The following CHCHD6 variants were observed in gnomAD, a reference collection of about 807,000 sequenced individuals.
The protein encoded by CHCHD6 is MICOS complex subunit MIC25.
A neutral mutation model predicts 32.3 loss-of-function variants in CHCHD6; 28 were observed. That is an observed-to-expected ratio of 0.87 (90% confidence interval 0.64 to 1.19). CHCHD6 has a LOEUF of 1.19. CHCHD6 is among the 50% of genes most tolerant of loss of function. The pLI, the probability that CHCHD6 is intolerant of heterozygous loss-of-function variation, is 0.00. For synonymous variants in CHCHD6, 122 were observed against 117.5 expected (o/e 1.04, Z -0.25); for missense variants, 333 against 307.0 (o/e 1.08, Z -0.63).
At chr3:126,855,809 A>C (rs576891612) in intron 5 of CHCHD6, among the ~76,000 whole-genome samples, 4 of 152,336 alleles carry the variant, frequency 2.6e-5, no homozygotes, top group African/African-American at 9.6e-5. Flanking sequence ...GAGCTCAAAC[A>C]AGAGCCTCAG....
intron 5 of CHCHD6, among the ~76,000 whole-genome samples, chr3:126,870,549 T>TG (rs2077452122): frequency 1.3e-5 from 2 of 152,092 alleles, no homozygotes; most frequent in Non-Finnish European, 2.9e-5. Flanking sequence ...TGGATGGCGC[T>TG]GTGCTGTGCC....
rs542413817 is a variant in CHCHD6 at position 126,801,244 on chromosome 3, C to T, written c.412-51403C>T. Among the ~76,000 whole-genome samples the T allele has an allele frequency of 7.7e-4, 118 of 152,320 alleles. 1 individual carries two copies. The highest frequency in any genetic ancestry group is 2.4e-3 in the African/African-American group (98 of 41,588). On this transcript the variant is annotated intron_variant, in intron 4 of 7. Coordinates refer to ENST00000290913, the MANE Select transcript of CHCHD6 (RefSeq NM_032343.3). ...GCGGTGCAGCGCACCGTGCGCAAGC[C>T]GAAGCAGGGCGAGGCATTGCCTCAC...
rs60896630 is a variant in CHCHD6, at chr3:126,737,390, GTATATA to G, written c.411+4192_411+4197del. Among the ~76,000 whole-genome samples the G allele has an allele frequency of 2.5e-3, 335 of 132,618 alleles. 2 individuals are homozygous for G. Among genetic ancestry groups the G allele is most frequent in the African/African-American group, 7.3e-3 (268 of 36,482 alleles). 87.0% of individuals were successfully genotyped at this position (132,618 alleles called of 152,430 possible). ...TCTTTTATTATTTTATGATGTGTGA[GTATATA>G]TATATATATATATATATATATATGC... On this transcript the variant is annotated intron_variant, in intron 4 of 7. Transcript: ENST00000290913.
At chr3:126,781,321 T>A (rs1372698212) in intron 4 of CHCHD6, among the ~76,000 whole-genome samples, 1 of 152,208 alleles carries the variant, frequency 6.6e-6, no homozygotes, top group Non-Finnish European at 1.5e-5. Flanking sequence ...AGCAGGGCCA[T>A]TTCTAGCACA....
intron 2 of CHCHD6, among the ~76,000 whole-genome samples, chr3:126,728,863 T>C (rs553397201): frequency 1.8e-4 from 27 of 152,366 alleles, no homozygotes; most frequent in African/African-American, 6.5e-4. Context: ...ATGATAGGTG[T>C]AAGTTTTGTT....
chr3:126,721,011 A>G (rs1935261938), intron 1 of CHCHD6, among the ~76,000 whole-genome samples: 1 of 152,122 alleles, frequency 6.6e-6, no homozygotes, highest in Non-Finnish European at 1.5e-5. Flanking sequence ...TTCTTAGAAT[A>G]ATTTTCTTAA....
At chr3:126,950,299 G>A (rs1338102239) in intron 6 of CHCHD6, among the ~76,000 whole-genome samples, 2 of 151,650 alleles carry the variant, frequency 1.3e-5, no homozygotes, top group African/African-American at 4.8e-5. Context: ...CTCTCATAGA[G>A]GGAAGTGTAG....
chr3:126,724,776 C>A (rs956669292), intron 1 of CHCHD6, among the ~76,000 whole-genome samples: 1 of 152,236 alleles, frequency 6.6e-6, no homozygotes, highest in African/African-American at 2.4e-5. Context: ...CCTTTGTTGT[C>A]ATTTCAGCAG....
At chr3:126,749,465 T>G (rs1468243146) in intron 4 of CHCHD6, among the ~76,000 whole-genome samples, 1 of 152,196 alleles carries the variant, frequency 6.6e-6, no homozygotes, top group Non-Finnish European at 1.5e-5. Context: ...TGCCCTTTTT[T>G]GACAAGGAGA....
chr3:126,831,373 T>A (rs965170309), intron 4 of CHCHD6, among the ~76,000 whole-genome samples: 1 of 152,148 alleles, frequency 6.6e-6, no homozygotes, highest in Admixed American at 6.5e-5. Flanking sequence ...CAGGCCTCAC[T>A]CAATCCTTCT....
chr3:126,818,978 C>T (rs1940035043), intron 4 of CHCHD6, among the ~76,000 whole-genome samples: 1 of 152,186 alleles, frequency 6.6e-6, no homozygotes, highest in South Asian at 2.1e-4. Context: ...TGCAGCAGGT[C>T]AGCTTGAAGC....
intron 4 of CHCHD6, among the ~76,000 whole-genome samples, chr3:126,812,017 C>T (rs1014137986): frequency 2.6e-5 from 4 of 151,918 alleles, no homozygotes; most frequent in Non-Finnish European, 5.9e-5. Context: ...GCAAGAGCAT[C>T]GCTTTTACTA....
At chr3:126,708,667 A>G (rs1934614906) in intron 1 of CHCHD6, among the ~76,000 whole-genome samples, 1 of 150,368 alleles carries the variant, frequency 6.7e-6, no homozygotes, top group Non-Finnish European at 1.5e-5. Flanking sequence ...AAAAAAAAAA[A>G]GCTTTATTGG....
chr3:126,740,577 G>A (rs1450392616), intron 4 of CHCHD6, among the ~76,000 whole-genome samples: 5 of 152,156 alleles, frequency 3.3e-5, no homozygotes, highest in South Asian at 4.1e-4. Context: ...GGCTGCTAAC[G>A]TACAGGGCTA....
At chr3:126,728,638 C>T (rs1196251646) in intron 2 of CHCHD6, among the ~76,000 whole-genome samples, 1 of 152,174 alleles carries the variant, frequency 6.6e-6, no homozygotes, top group Non-Finnish European at 1.5e-5. Flanking sequence ...TAACTTGACC[C>T]AATGCACTTT....
At chr3:126,750,590 G>A (rs536447737) in intron 4 of CHCHD6, among the ~76,000 whole-genome samples, 80 of 152,350 alleles carry the variant, frequency 5.3e-4, no homozygotes, top group African/African-American at 1.9e-3. Flanking sequence ...GGTCTGCTAG[G>A]GGCAGGCCTT....
At chr3:126,876,064 G>A (rs2077535397) in intron 5 of CHCHD6, among the ~76,000 whole-genome samples, 1 of 152,248 alleles carries the variant, frequency 6.6e-6, no homozygotes, top group African/African-American at 2.4e-5. Flanking sequence ...ATATTAGCCA[G>A]TGACTTTGTC....
intron 6 of CHCHD6, among the ~76,000 whole-genome samples, chr3:126,953,983 T>TTTGTGAA (rs2107609211): frequency 6.6e-6 from 1 of 152,200 alleles, no homozygotes; most frequent in East Asian, 1.9e-4. Context: ...TGCACCTACT[T>TTTGTGAA]TTGTGAATGG....
chr3:126,955,737 G>C (rs1382663960), intron 6 of CHCHD6, among the ~76,000 whole-genome samples: 1 of 152,208 alleles, frequency 6.6e-6, no homozygotes, highest in Non-Finnish European at 1.5e-5. Context: ...TAGCGATGGT[G>C]TTAGGCATGG....
Sources: allele counts gnomAD v4.1 joint callset (sites outside exome capture counted in the v4.1 genomes callset), GRCh38; gene constraint gnomAD v4.1.1; transcripts MANE v1.5; gene names NCBI Gene and HGNC (gene_info 2026-07-23, HGNC 2026-07-21).